Variants in MPHOSPH8 observed in about 807,000 individuals in gnomAD.
MPHOSPH8 encodes M-phase phosphoprotein, mpp.
In MPHOSPH8, 45 loss-of-function variants were observed where a neutral mutation model predicts 87.3. The ratio of observed to expected loss-of-function variants is 0.52; its 90% CI spans 0.41 to 0.66. The LOEUF is 0.66. MPHOSPH8 is among the 30% of genes least tolerant of loss of function. MPHOSPH8 has a pLI of 0.00. For synonymous variants in MPHOSPH8, 366 were observed against 376.9 expected (o/e 0.97, Z 0.33); for missense variants, 883 against 1,020.2 (o/e 0.87, Z 1.83).
intron 1 of MPHOSPH8, among the ~76,000 whole-genome samples, chr13:19,636,256 G>A (rs750266671): frequency 3.9e-5 from 6 of 152,066 alleles, no homozygotes; most frequent in Non-Finnish European, 8.8e-5. Flanking sequence ...TACTGCTAGC[G>A]GTTTGTTAGG....
rs756790509 is a variant in MPHOSPH8 at position 19,646,991 on chromosome 13, G to A, written c.918G>A (p.Leu306=). The change falls in exon 3 of 14, where the codon CTG becomes CTA. Residue 306 remains leucine (L), a synonymous_variant. Coordinates refer to ENST00000361479, the MANE Select transcript of MPHOSPH8 (RefSeq NM_017520.4). ...AGAGAGCAGGGCAGGACATGGGGCT[G>A]GAGCATGGCTTTGAGAAGCCCCTAG... The part of the protein sequence containing the change: ...ARERAGQDMG[L]EHGFEKPLDS... 1 of 1,592,032 alleles carries A rather than the reference G, an allele frequency of 6.3e-7. No homozygotes were observed. Among genetic ancestry groups the A allele is most frequent in the Non-Finnish European group, 8.5e-7 (1 of 1,174,312 alleles).
At chr13:19,649,600 C>G (rs1874738532) in intron 4 of MPHOSPH8, among the ~76,000 whole-genome samples, 1 of 152,190 alleles carries the variant, frequency 6.6e-6, no homozygotes. Flanking sequence ...CCTGCTGTTT[C>G]CCTCACTTGC....
At position 19,671,965 on chromosome 13, in the gene MPHOSPH8, T is replaced by C. The variant is rs975656986; in HGVS notation, c.*90T>C. The C allele has an allele frequency of 1.4e-5, 19 of 1,366,500 alleles. No homozygotes were observed. Among genetic ancestry groups the C allele is most frequent in the Non-Finnish European group, 1.9e-5 (18 of 962,084 alleles). 84.6% of individuals were successfully genotyped at this position (1,366,500 alleles called of 1,614,324 possible). A position where few individuals can be genotyped will look rare whatever the true frequency, so the allele number is the denominator to read the frequency against. On this transcript the variant is annotated 3_prime_UTR_variant, in exon 14 of 14. Coordinates refer to ENST00000361479, the MANE Select transcript of MPHOSPH8 (RefSeq NM_017520.4). The stretch of plus-strand genomic sequence containing the variant: ...TTGGAATTCTTCTAGCACATCTATG[T>C]AAAGTTTTGTCTGTAAACCTCTTGC...
At position 19,666,519 on chromosome 13, in the gene MPHOSPH8, A is replaced by G; in HGVS notation, c.2114A>G (p.His705Arg). The change falls in exon 10 of 14, where the codon CAC becomes CGC. Residue 705 changes from histidine to arginine, a missense_variant. By Grantham distance (29) the His-to-Arg change is conservative. Transcript: ENST00000361479. The stretch of plus-strand genomic sequence containing the variant: ...TCAAAGCACCAGAATAGTGCCCTGC[A>G]CTTTGCGAAGCAGTCTAACAATGTG... ...ILSKHQNSAL[H>R]FAKQSNNVLV... 2 of 1,607,952 alleles carry G rather than the reference A, an allele frequency of 1.2e-6. No individual in the cohort carries two copies. The highest frequency in any genetic ancestry group is 2.2e-5 in the East Asian group (1 of 44,692).
chr13:19,659,606 G>T (rs1875396119), intron 7 of MPHOSPH8: 2 of 397,562 alleles, frequency 5.0e-6, no homozygotes, highest in Non-Finnish European at 9.6e-6. Context: ...CAAGGCTGTG[G>T]TAAGTGGAGA....
At chr13:19,648,358 C>T (rs1486570755) in intron 3 of MPHOSPH8, 64 bp from the exon 4 acceptor site, 6 of 1,059,652 alleles carry the variant, frequency 5.7e-6, no homozygotes, top group Non-Finnish European at 8.2e-6. Flanking sequence ...TTTTCCGGTT[C>T]TCAAATAAAT....
At chr13:19,646,277 T>C (rs1371201584) in intron 2 of MPHOSPH8, among the ~76,000 whole-genome samples, 166 bp from the exon 3 acceptor site, 2 of 152,122 alleles carry the variant, frequency 1.3e-5, no homozygotes, top group Non-Finnish European at 2.9e-5. Flanking sequence ...GTTTGCTGAG[T>C]CAGAGATAGA....
chr13:19,666,052 G>A (rs535717677), intron 9 of MPHOSPH8, among the ~76,000 whole-genome samples: 25 of 152,334 alleles, frequency 1.6e-4, no homozygotes, highest in African/African-American at 5.5e-4. Flanking sequence ...GCTGGCTCAC[G>A]GGGGACAGCG....
At chr13:19,666,351 T>C (rs559343342) in intron 9 of MPHOSPH8, 74 bp from the exon 10 acceptor site, 29 of 1,429,204 alleles carry the variant, frequency 2.0e-5, no homozygotes, top group Non-Finnish European at 2.6e-5. Context: ...CCGCTAAGCA[T>C]GTATGGAGAA....
chr13:19,643,515 G>C (rs886433609), intron 2 of MPHOSPH8, among the ~76,000 whole-genome samples: 1 of 152,118 alleles, frequency 6.6e-6, no homozygotes, highest in Admixed American at 6.5e-5. Flanking sequence ...CAAAGTGTTG[G>C]TTGGGATTAC....
chr13:19,643,899 C>T lies in MPHOSPH8; in HGVS notation c.369+1629C>T, dbSNP rs537393976. ...CACCACAGAGACCTACGTGTTCTCC[C>T]TTTTCCTACCAGGAGAACTCTGGTC... is the stretch of plus-strand genomic sequence containing the variant. On this transcript the variant is annotated intron_variant, in intron 2 of 13. Coordinates refer to ENST00000361479, the MANE Select transcript of MPHOSPH8 (RefSeq NM_017520.4). Among the ~76,000 whole-genome samples, 9 of 152,274 alleles carry T rather than the reference C, an allele frequency of 5.9e-5. No individual in the cohort carries two copies. In the South Asian group the frequency reaches 1.9e-3, roughly 32 times the overall value.
chr13:19,662,448 T>C (rs550692034), intron 8 of MPHOSPH8, among the ~76,000 whole-genome samples: 2 of 152,162 alleles, frequency 1.3e-5, no homozygotes, highest in African/African-American at 2.4e-5. Context: ...TGTAAAGACA[T>C]GGTCTCACTG....
Position 19,660,944 on chromosome 13 carries a change from A to C in MPHOSPH8, c.1792-754A>C, listed in dbSNP as rs1363480484. The C allele has an allele frequency of 7.1e-6, 7 of 985,224 alleles. No individual in the cohort carries two copies. In the East Asian group the frequency reaches 6.8e-4, roughly 96 times the overall value. The allele number at this position is 985,224 out of a possible 1,614,324, so 61.0% of individuals were successfully genotyped here. On this transcript the variant is annotated intron_variant, in intron 7 of 13. Coordinates refer to ENST00000361479, the MANE Select transcript of MPHOSPH8 (RefSeq NM_017520.4). ...AACTTTTCATGTGCCTTTAGGATTT[A>C]ATACACAAAACAAAAAGAAGATACA...
intron 5 of MPHOSPH8, among the ~76,000 whole-genome samples, chr13:19,657,073 G>A (rs1771229): frequency 8.5e-6 from 1 of 118,194 alleles, no homozygotes; most frequent in Non-Finnish European, 1.6e-5. Context: ...AGTGAGCTGA[G>A]ATAGTGCCAC....
rs958950742 is a variant in MPHOSPH8 at position 19,673,336 on chromosome 13, A to C, written c.*1461A>C. The C allele has an allele frequency of 2.0e-5, 6 of 298,520 alleles. No individual in the cohort carries two copies. The highest frequency in any genetic ancestry group is 1.3e-4 in the African/African-American group (6 of 46,098). 18.5% of individuals were successfully genotyped at this position (298,520 alleles called of 1,614,324 possible). On this transcript the variant is annotated 3_prime_UTR_variant, in exon 14 of 14. Coordinates refer to ENST00000361479, the MANE Select transcript of MPHOSPH8 (RefSeq NM_017520.4). ...TTGTATGAAATACGATTTTAATGAA[A>C]ACTTTTCAGAATTCACGTTTGTGTA... is the stretch of plus-strand genomic sequence containing the variant.
At chr13:19,648,625 T>G (rs1232610519) in intron 4 of MPHOSPH8, 104 bp downstream of exon 4, 3 of 425,524 alleles carry the variant, frequency 7.1e-6, no homozygotes, top group Non-Finnish European at 1.1e-5. Flanking sequence ...TTTTTTTCCT[T>G]ATTTTCACCT....
intron 9 of MPHOSPH8, among the ~76,000 whole-genome samples, chr13:19,664,855 G>C (rs972845210): frequency 6.6e-6 from 1 of 152,126 alleles, no homozygotes; most frequent in African/African-American, 2.4e-5. Context: ...TTGCTGTCCA[G>C]CTCTGCAACA....
chr13:19,659,866 CAT>C (rs1328823238), intron 7 of MPHOSPH8, among the ~76,000 whole-genome samples: 1 of 150,982 alleles, frequency 6.6e-6, no homozygotes, highest in Non-Finnish European at 1.5e-5. Flanking sequence ...TTCCTGTGGT[CAT>C]TTGTGTTTCT....
chr13:19,638,838 G>A (rs1269505563), intron 1 of MPHOSPH8, among the ~76,000 whole-genome samples: 1 of 151,828 alleles, frequency 6.6e-6, no homozygotes. Context: ...TGTTAAGTGT[G>A]TAGCTAGAAT....
Sources: gnomAD v4.1 joint callset for allele counts (sites outside exome capture counted in the v4.1 genomes callset) on GRCh38, gnomAD v4.1.1 for gene constraint, MANE v1.5 for transcripts, NCBI Gene and HGNC (gene_info 2026-07-23, HGNC 2026-07-21) for gene names.